Variants in PCSK5 observed in about 807,000 individuals in gnomAD.
PCSK5 encodes prohormone convertase 5.
A neutral mutation model predicts 233.2 loss-of-function variants in PCSK5; 129 were observed. The ratio of observed to expected loss-of-function variants is 0.55; its 90% CI spans 0.48 to 0.64. PCSK5 has a LOEUF of 0.64. PCSK5 is among the 30% of genes least tolerant of loss of function. The pLI is 0.00. For synonymous variants in PCSK5, 825 were observed against 879.2 expected (o/e 0.94, Z 1.09); for missense variants, 2,076 against 2,430.1 (o/e 0.85, Z 3.06).
intron 34 of PCSK5, among the ~76,000 whole-genome samples, chr9:76,335,189 A>C (rs1431307545): frequency 6.6e-6 from 1 of 152,216 alleles, no homozygotes; most frequent in Non-Finnish European, 1.5e-5. Context: ...CCTCAAATCA[A>C]GTCAGTAAAC....
chr9:75,957,168 T>C (rs1825131160), intron 2 of PCSK5, among the ~76,000 whole-genome samples: 1 of 152,144 alleles, frequency 6.6e-6, no homozygotes. Context: ...ACAGCTGAGC[T>C]TCTGTGCTAA....
At chr9:76,064,511 AC>A (rs1244536871) in intron 5 of PCSK5, among the ~76,000 whole-genome samples, 1 of 131,660 alleles carries the variant, frequency 7.6e-6, no homozygotes, top group Non-Finnish European at 1.6e-5. Context: ...GGGGGGCTGA[AC>A]CCCCCCAACC....
intron 6 of PCSK5, 28 bp downstream of exon 6, chr9:76,068,071 AGAAATGC>A: frequency 1.3e-6 from 2 of 1,513,168 alleles, no homozygotes; most frequent in Non-Finnish European, 1.8e-6. Context: ...ACGTGGATGT[AGAAATGC>A]GCCAGTTAGC....
At chr9:76,126,581 C>G (rs1279974139) in intron 9 of PCSK5, among the ~76,000 whole-genome samples, 3 of 152,100 alleles carry the variant, frequency 2.0e-5, no homozygotes, top group Non-Finnish European at 2.9e-5. Context: ...CCATTGTACT[C>G]CAGCCTGGGC....
At chr9:75,927,126 A>G (rs1352813811) in intron 1 of PCSK5, among the ~76,000 whole-genome samples, 1 of 152,152 alleles carries the variant, frequency 6.6e-6, no homozygotes, top group Non-Finnish European at 1.5e-5. Flanking sequence ...AAAACTTGGT[A>G]TTGCCTGTCT....
At chr9:76,262,883 C>G (rs1827222597) in intron 24 of PCSK5, among the ~76,000 whole-genome samples, 1 of 150,784 alleles carries the variant, frequency 6.6e-6, no homozygotes, top group Admixed American at 6.6e-5. Flanking sequence ...GCTCATCTGA[C>G]AAAGGGCTAA....
At chr9:76,125,656 G>A (rs10123147) in intron 9 of PCSK5, among the ~76,000 whole-genome samples, 71,436 of 151,880 alleles carry the variant, frequency 0.47, 17,186 homozygotes, top group Admixed American at 0.52. Context: ...ACTTTTGGAG[G>A]TACATCTTTT....
rs200413560 is a variant in PCSK5, at chr9:75,932,423, G to A, written c.237G>A (p.Thr79=). The A allele has an allele frequency of 4.8e-5, 77 of 1,613,308 alleles. No individual in the cohort carries two copies. The highest frequency in any genetic ancestry group is 5.6e-5 in the Non-Finnish European group (66 of 1,179,406). ...KDYYHFYHSR[T]IKRSVISSRG... is the part of the protein sequence containing the mutation. ...ACTACCACTTCTACCATAGCAGGAC[G>A]ATTAAAAGGTCAGTTATCTCGAGCA... is the stretch of plus-strand genomic sequence containing the variant. Residue 79 remains threonine (T), a synonymous_variant, in exon 2 of 38, where the codon ACG becomes ACA. Transcript: ENST00000674117.
chr9:75,970,281 C>A (rs932874552), intron 2 of PCSK5, among the ~76,000 whole-genome samples: 1 of 152,170 alleles, frequency 6.6e-6, no homozygotes, highest in African/African-American at 2.4e-5. Context: ...GTAACTAAGG[C>A]TTTTGGTTAC....
intron 2 of PCSK5, among the ~76,000 whole-genome samples, chr9:75,954,035 ATAAACT>A (rs1023480315): frequency 1.3e-5 from 2 of 152,198 alleles, no homozygotes; most frequent in African/African-American, 4.8e-5. Context: ...TGTTAAGCTG[ATAAACT>A]TAAAATAAGA....
intron 13 of PCSK5, among the ~76,000 whole-genome samples, chr9:76,171,785 C>T (rs904890361): frequency 2.6e-5 from 4 of 152,158 alleles, no homozygotes; most frequent in Admixed American, 6.5e-5. Context: ...GTTCTTTTTA[C>T]GCCAGACGAG....
chr9:76,301,215 T>C (rs1389991362), intron 27 of PCSK5, among the ~76,000 whole-genome samples: 3 of 146,116 alleles, frequency 2.1e-5, no homozygotes, highest in Non-Finnish European at 4.5e-5. Context: ...GAGGTTGCAG[T>C]GAGCCGAGAT....
chr9:76,117,794 A>C (rs1310088074), intron 9 of PCSK5, among the ~76,000 whole-genome samples: 1 of 152,130 alleles, frequency 6.6e-6, no homozygotes, highest in African/African-American at 2.4e-5. Context: ...ACTCGAATTT[A>C]TTTGAAAAAC....
intron 25 of PCSK5, among the ~76,000 whole-genome samples, chr9:76,293,464 G>A (rs1828340351): frequency 6.6e-6 from 1 of 152,040 alleles, no homozygotes; most frequent in Non-Finnish European, 1.5e-5. Context: ...TTGTTTGTTT[G>A]TTTTTAAGAC....
intron 9 of PCSK5, among the ~76,000 whole-genome samples, chr9:76,117,283 A>T (rs551538545): frequency 6.6e-6 from 1 of 152,122 alleles, no homozygotes; most frequent in South Asian, 2.1e-4. Context: ...CTTGGCTCCA[A>T]TAGAGCCTAC....
intron 2 of PCSK5, among the ~76,000 whole-genome samples, chr9:75,942,871 C>A (rs1453809317): frequency 7.1e-6 from 1 of 141,418 alleles, no homozygotes; most frequent in African/African-American, 2.6e-5. Flanking sequence ...TGTGGTATTT[C>A]TTTTCTTCTT....
intron 25 of PCSK5, among the ~76,000 whole-genome samples, chr9:76,294,924 G>T (rs1051481809): frequency 6.6e-6 from 1 of 152,070 alleles, no homozygotes; most frequent in Non-Finnish European, 1.5e-5. Context: ...AGGCAGAGGT[G>T]GGCAGATCCC....
At chr9:76,292,209 CT>C in intron 24 of PCSK5, 23 bp from the exon 25 acceptor site, 2 of 1,434,338 alleles carry the variant, frequency 1.4e-6, no homozygotes, top group Non-Finnish European at 2.0e-6. Flanking sequence ...ATGATTATTA[CT>C]TTTTATTATT....
At position 76,010,589 on chromosome 9, in the gene PCSK5, A is replaced by AT. The variant is rs201839461; in HGVS notation, c.412-13146dup. On this transcript the variant is annotated intron_variant, in intron 3 of 37. Coordinates refer to ENST00000674117, the MANE Select transcript of PCSK5 (RefSeq NM_001372043.1). ...AGCTTTTTGGATCTCTGTAACTCCA[A>AT]TTTAACATCTTTCAACATCTTTCTC... 4.8e-3 allele frequency among the ~76,000 whole-genome samples: 729 copies of AT among 152,286 alleles called. 9 individuals are homozygous for AT. Among genetic ancestry groups the AT allele is most frequent in the African/African-American group, 0.016 (682 of 41,554 alleles).
Sources: allele counts gnomAD v4.1 joint callset (sites outside exome capture counted in the v4.1 genomes callset), GRCh38; gene constraint gnomAD v4.1.1; transcripts MANE v1.5; gene names NCBI Gene and HGNC (gene_info 2026-07-23, HGNC 2026-07-21).